ADGRL2: variants seen among roughly 807,000 people sequenced by gnomAD.
ADGRL2 encodes calcium-independent alpha-latrotoxin receptor 2.
A neutral mutation model predicts 157.4 loss-of-function variants in ADGRL2; 44 were observed. That is an observed-to-expected ratio of 0.28 (90% CI 0.22 to 0.36). The LOEUF (loss-of-function observed/expected upper bound fraction) is 0.36, where lower values mean the gene tolerates loss of function less well. Among genes scored for constraint, ADGRL2 ranks in the 10% least tolerant of loss-of-function variants. The pLI, the probability that ADGRL2 is intolerant of heterozygous loss-of-function variation, is 1.00. For synonymous variants in ADGRL2, 585 were observed against 624.7 expected, an observed-to-expected ratio of 0.94 and a Z score of 0.95; for missense variants, 1,510 against 1,768.9, an observed-to-expected ratio of 0.85 and a Z score of 2.63.
At chr1:81,770,011 C>A (rs1299346124) in intron 2 of ADGRL2, among the ~76,000 whole-genome samples, 1 of 150,972 alleles carries the variant, frequency 6.6e-6, no homozygotes, top group East Asian at 2.0e-4. Context: ...TTACAGGCAG[C>A]AAGCTAATTT....
intron 3 of ADGRL2, among the ~76,000 whole-genome samples, chr1:81,606,493 ACATG>A (rs932153601): frequency 2.5e-4 from 17 of 67,244 alleles, no homozygotes; most frequent in African/African-American, 1.1e-3. Flanking sequence ...AGGTTCATGC[ACATG>A]CACACACACA....
At chr1:81,458,725 G>C (rs2077859336) in intron 2 of ADGRL2, among the ~76,000 whole-genome samples, 1 of 152,196 alleles carries the variant, frequency 6.6e-6, no homozygotes, top group Admixed American at 6.5e-5. Flanking sequence ...TGAAAACTAG[G>C]AGATGCCAGA....
chr1:81,642,248 C>CAAA (rs35830955), intron 3 of ADGRL2, among the ~76,000 whole-genome samples: 5 of 61,596 alleles, frequency 8.1e-5, no homozygotes, highest in African/African-American at 1.3e-4. Flanking sequence ...ACTCTGTCTC[C>CAAA]AAAAAAAAAA....
upstream of ADGRL2, chr1:81,800,424 T>G (rs969878214): frequency 3.3e-5 from 5 of 151,984 alleles, no homozygotes; most frequent in African/African-American, 1.2e-4. Context: ...TTCTCCTCCA[T>G]GCAGTTACAC....
intron 1 of ADGRL2, among the ~76,000 whole-genome samples, chr1:81,369,700 A>G (rs773152209): frequency 4.6e-4 from 70 of 151,916 alleles, no homozygotes; most frequent in Non-Finnish European, 8.1e-4. Flanking sequence ...TTCCTTATGA[A>G]CATGAAAAAA....
At chr1:81,748,824 C>A (rs139577019) in intron 1 of ADGRL2, among the ~76,000 whole-genome samples, 1 of 151,826 alleles carries the variant, frequency 6.6e-6, no homozygotes. Flanking sequence ...TGTGCCACCA[C>A]GCCTGGCTAA....
chr1:81,735,617 C>T (rs1055106779), intron 1 of ADGRL2, among the ~76,000 whole-genome samples: 36 of 151,346 alleles, frequency 2.4e-4, no homozygotes, highest in South Asian at 8.4e-4. Flanking sequence ...TGGTGAAACC[C>T]CATCTTTACT....
chr1:81,436,394 C>T (rs1300641233), intron 1 of ADGRL2, among the ~76,000 whole-genome samples: 1 of 152,176 alleles, frequency 6.6e-6, no homozygotes, highest in Non-Finnish European at 1.5e-5. Flanking sequence ...ACATACCTGA[C>T]AAAAGGTGGT....
At position 81,521,023 on chromosome 1, in the gene ADGRL2, C is replaced by A. The variant is rs866376530; in HGVS notation, c.-247-59853C>A. On this transcript the variant is annotated intron_variant, in intron 2 of 24. Coordinates refer to the ADGRL2 transcript ENST00000370721. ...ACTTTTAAAATAAGCCAGAAAGTTTCACACACCATTTTATTCACATCACAT... is the reference window on the plus strand; with the variant it reads ...ACTTTTAAAATAAGCCAGAAAGTTTAACACACCATTTTATTCACATCACAT... Among the ~76,000 whole-genome samples the A allele has an allele frequency of 4.6e-5, 7 of 152,270 alleles. No homozygotes were observed. The South Asian group carries it at 1.5e-3, about 32-fold the overall frequency.
At chr1:81,775,219 G>GA (rs930413196) in intron 2 of ADGRL2, among the ~76,000 whole-genome samples, 124 of 149,414 alleles carry the variant, frequency 8.3e-4, no homozygotes, top group Middle Eastern at 6.9e-3. Context: ...TTAATACTCT[G>GA]AAAAAAAAAC....
chr1:81,392,108 A>T (rs561903542), intron 1 of ADGRL2, among the ~76,000 whole-genome samples: 1 of 152,066 alleles, frequency 6.6e-6, no homozygotes, highest in South Asian at 2.1e-4. Context: ...CAACCATTAT[A>T]CTGTACTGCC....
intron 11 of ADGRL2, among the ~76,000 whole-genome samples, chr1:81,957,022 TA>T (rs1410393749): frequency 2.0e-5 from 3 of 152,252 alleles, no homozygotes; most frequent in Middle Eastern, 3.4e-3. Flanking sequence ...TTTGAATTCA[TA>T]ATCTTAAATT....
intron 2 of ADGRL2, among the ~76,000 whole-genome samples, chr1:81,531,614 G>A (rs2079601062): frequency 6.6e-6 from 1 of 152,166 alleles, no homozygotes; most frequent in African/African-American, 2.4e-5. Flanking sequence ...GTCTTAATGA[G>A]CCACTCTTAC....
intron 2 of ADGRL2, among the ~76,000 whole-genome samples, chr1:81,763,239 T>C (rs1239645680): frequency 6.6e-6 from 1 of 151,746 alleles, no homozygotes; most frequent in Non-Finnish European, 1.5e-5. Context: ...GATAAATACG[T>C]ACATATAAAA....
chr1:81,564,014 A>G (rs914707026), intron 2 of ADGRL2, among the ~76,000 whole-genome samples: 4 of 152,188 alleles, frequency 2.6e-5, no homozygotes, highest in Admixed American at 1.3e-4. Context: ...AGATTAAATA[A>G]TTTCCTCCTT....
chr1:81,447,461 GC>G (rs2077618957), intron 2 of ADGRL2, among the ~76,000 whole-genome samples: 2 of 152,114 alleles, frequency 1.3e-5, no homozygotes, highest in Non-Finnish European at 2.9e-5. Flanking sequence ...AGTGTAAGAA[GC>G]AAAAATGGGT....
intron 2 of ADGRL2, among the ~76,000 whole-genome samples, chr1:81,485,335 T>C (rs1455150751): frequency 6.6e-6 from 1 of 151,984 alleles, no homozygotes; most frequent in East Asian, 1.9e-4. Flanking sequence ...AATAATTAAC[T>C]CCAATAAAAA....
intron 2 of ADGRL2, among the ~76,000 whole-genome samples, chr1:81,897,763 T>C (rs1193077123): frequency 6.6e-6 from 1 of 152,220 alleles, no homozygotes; most frequent in Non-Finnish European, 1.5e-5. Context: ...TAATTGGATT[T>C]AAATATGTAT....
chr1:81,420,073 AG>A (rs1226365022), intron 1 of ADGRL2, among the ~76,000 whole-genome samples: 3 of 152,242 alleles, frequency 2.0e-5, no homozygotes, highest in African/African-American at 7.2e-5. Context: ...AATCAAAAAA[AG>A]GAAAATCAGA....
Sources: gnomAD v4.1 joint callset for allele counts (sites outside exome capture counted in the v4.1 genomes callset) on GRCh38, gnomAD v4.1.1 for gene constraint, MANE v1.5 for transcripts, NCBI Gene and HGNC (gene_info 2026-07-23, HGNC 2026-07-21) for gene names.